ATG4D: variants seen among roughly 807,000 people sequenced by gnomAD.
ATG4D encodes the protein autophagy related 4D cysteine peptidase.
In ATG4D, 51 loss-of-function variants were observed where a neutral mutation model predicts 55.2. The ratio of observed to expected loss-of-function variants is 0.92; its 90% CI spans 0.74 to 1.17. ATG4D has a LOEUF of 1.17. Among genes scored for constraint, ATG4D ranks in the 50% most tolerant of loss-of-function variants. The pLI, the probability that ATG4D is intolerant of heterozygous loss-of-function variation, is 0.00. For synonymous variants in ATG4D, 268 were observed against 266.2 expected, an observed-to-expected ratio of 1.01 and a Z score of -0.07; for missense variants, 635 against 649.6, an observed-to-expected ratio of 0.98 and a Z score of 0.25.
chr19:10,551,782 T>A (rs1191620598), intron 6 of ATG4D, 115 bp from the exon 7 acceptor site: 1 of 873,204 alleles, frequency 1.1e-6, no homozygotes, highest in Non-Finnish European at 1.9e-6. Flanking sequence ...AGGGCAAGGG[T>A]TTTGTGGTCT....
At chr19:10,546,273 G>A (rs1051036990) in intron 3 of ATG4D, among the ~76,000 whole-genome samples, 9 of 150,482 alleles carry the variant, frequency 6.0e-5, no homozygotes, top group East Asian at 2.0e-4. Context: ...GTAGTGAGAC[G>A]TGATTGTGCC....
At chr19:10,548,466 G>A (rs1454535579) in intron 5 of ATG4D, among the ~76,000 whole-genome samples, 1 of 152,130 alleles carries the variant, frequency 6.6e-6, no homozygotes, top group Non-Finnish European at 1.5e-5. Context: ...GCAAGGCAGG[G>A]GGCAGGAGAA....
chr19:10,547,140 G>C, intron 4 of ATG4D, 25 bp downstream of exon 4: 2 of 1,610,328 alleles, frequency 1.2e-6, no homozygotes, highest in Non-Finnish European at 1.7e-6. Flanking sequence ...AGGGATCACG[G>C]GAGTTGCTGG....
chr19:10,549,544 G>A (rs1477398457), intron 6 of ATG4D, among the ~76,000 whole-genome samples: 4 of 151,960 alleles, frequency 2.6e-5, no homozygotes, highest in Non-Finnish European at 5.9e-5. Context: ...CAGTCTCCCA[G>A]GTAGCTGGGA....
At position 10,549,026 on chromosome 19, in the gene ATG4D, T is replaced by C. The variant is rs763066711; in HGVS notation, c.958T>C (p.Cys320Arg). The C allele has an allele frequency of 6.2e-7, 1 of 1,614,102 alleles. No homozygotes were observed. Among genetic ancestry groups the C allele is most frequent in the East Asian group, 2.2e-5 (1 of 44,864 alleles). ...GETLNPVYVP[C>R]VKELLRCELC... The stretch of plus-strand genomic sequence containing the variant: ...GACTCTCAACCCCGTGTATGTGCCC[T>C]GCGTGAAGGTAGGTTCAGCTGAATT... The change falls in exon 6 of 10, where the codon TGC becomes CGC. Residue 320 changes from cysteine to arginine, a missense_variant. By Grantham distance (180) the Cys-to-Arg change is radical (BLOSUM62 -3). Coordinates refer to ENST00000309469, the MANE Select transcript of ATG4D (RefSeq NM_032885.6).
intron 6 of ATG4D, among the ~76,000 whole-genome samples, chr19:10,549,841 G>A (rs945417099): frequency 1.3e-5 from 2 of 152,180 alleles, no homozygotes; most frequent in South Asian, 2.1e-4. Flanking sequence ...GGGAGCAGAC[G>A]TTCTGATGGG....
At position 10,553,096 on chromosome 19, in the gene ATG4D, A is replaced by G; in HGVS notation, c.*29A>G. 2.6e-6 allele frequency: 4 copies of G among 1,561,608 alleles called. No individual in the cohort carries two copies. Among genetic ancestry groups the G allele is most frequent in the Non-Finnish European group, 3.5e-6 (4 of 1,154,440 alleles). On this transcript the variant is annotated 3_prime_UTR_variant, in exon 10 of 10. Transcript: ENST00000309469. The stretch of plus-strand genomic sequence containing the variant: ...GAGGGGATGAGGGGAAAGATACAAC[A>G]CTATTTATTTTTTTATTTATGTCAT...
At position 10,547,223 on chromosome 19, in the gene ATG4D, CT is replaced by C. The variant is rs1916064823; in HGVS notation, c.806del (p.Leu269ArgfsTer53). ...GGAGAGCTGCTCCGACGTCACCCGC[CT>C]GGTGGTGTACGTTTCTCAGGACTGC... ...AVESCSDVTR[L>X]VVYVSQDCTV... On this transcript the variant is annotated frameshift_variant, in exon 5 of 10. Coordinates refer to ENST00000309469, the MANE Select transcript of ATG4D (RefSeq NM_032885.6). LOFTEE classifies it high-confidence loss of function. The C allele has an allele frequency of 5.6e-6, 9 of 1,614,026 alleles. No homozygotes were observed. Among genetic ancestry groups the C allele is most frequent in the Non-Finnish European group, 7.6e-6 (9 of 1,179,962 alleles).
At chr19:10,548,826 G>C in intron 5 of ATG4D, 78 bp from the exon 6 acceptor site, 1 of 1,547,352 alleles carries the variant, frequency 6.5e-7, no homozygotes, top group South Asian at 1.2e-5. Context: ...GGTTGAGGTT[G>C]AGCCCCTGGG....
intron 1 of ATG4D, 91 bp downstream of exon 1, chr19:10,544,416 G>T: frequency 7.6e-6 from 9 of 1,182,892 alleles, no homozygotes; most frequent in Non-Finnish European, 9.8e-6. Context: ...CCTTGTTCCC[G>T]TCCTGAGTCA....
At position 10,547,036 on chromosome 19, in the gene ATG4D, C is replaced by A. The variant is rs776338785; in HGVS notation, c.691C>A (p.Arg231=). The A allele has an allele frequency of 6.3e-7, 1 of 1,585,302 alleles. No individual in the cohort carries two copies. Among genetic ancestry groups the A allele is most frequent in the South Asian group, 1.1e-5 (1 of 88,050 alleles). ...CCCCCGGGCCCCCTTTGGCCTACAC[C>A]GGCTGGTGGAGCTTGGGCAGAGCTC... ...DHPRAPFGLH[R]LVELGQSSGK... Residue 231 remains arginine (R), a synonymous_variant, in exon 4 of 10, where the codon CGG becomes AGG. Transcript: ENST00000309469.
chr19:10,546,767 C>T lies in ATG4D; in HGVS notation c.494-72C>T, dbSNP rs571055895. Reference sequence around the variant, plus strand: ...GGTTCAGGAGCATTCGCATTGTGTGCGGTGCATGTGTAGATGGGACCTCTG... The same window carrying T: ...GGTTCAGGAGCATTCGCATTGTGTGTGGTGCATGTGTAGATGGGACCTCTG... On this transcript the variant is annotated intron_variant, in intron 3 of 9. Coordinates refer to ENST00000309469, the MANE Select transcript of ATG4D (RefSeq NM_032885.6). 6.5e-5 allele frequency: 94 copies of T among 1,443,972 alleles called. No individual in the cohort carries two copies. The East Asian group carries it at 1.9e-3, about 29-fold the overall frequency. 89.4% of individuals were successfully genotyped at this position (1,443,972 alleles called of 1,614,324 possible). A position where few individuals can be genotyped will look rare whatever the true frequency, so the allele number is the denominator to read the frequency against.
Position 10,545,078 on chromosome 19 carries a change from C to T in ATG4D, c.441C>T (p.Arg147=). 3 of 1,613,110 alleles carry T rather than the reference C, an allele frequency of 1.9e-6. 1 individual carries two copies. The highest frequency in any genetic ancestry group is 2.2e-5 in the South Asian group (2 of 91,084). The change falls in exon 3 of 10, where the codon CGC becomes CGT. Residue 147 remains arginine, a synonymous_variant. Transcript: ENST00000309469. The part of the protein sequence containing the change: ...TSDCGWGCML[R]SGQMMLAQGL... ...ACTGTGGCTGGGGGTGCATGTTACGCAGCGGCCAGATGATGCTGGCACAGG... is the reference window on the plus strand; with the variant it reads ...ACTGTGGCTGGGGGTGCATGTTACGTAGCGGCCAGATGATGCTGGCACAGG...
rs756176538 is a variant in ATG4D at position 10,547,057 on chromosome 19, A to G, written c.712A>G (p.Ser238Gly). The change falls in exon 4 of 10, where the codon AGC becomes GGC. Residue 238 changes from serine (S) to glycine (G), a missense_variant. Ser to Gly is a moderately conservative substitution (Grantham distance 56). Coordinates refer to ENST00000309469, the MANE Select transcript of ATG4D (RefSeq NM_032885.6). ...GLHRLVELGQ[S>G]SGKKAGDWYG... ...ACACCGGCTGGTGGAGCTTGGGCAG[A>G]GCTCAGGCAAGAAGGCAGGTGACTG... 2 of 1,588,340 alleles carry G rather than the reference A, an allele frequency of 1.3e-6. No homozygotes were observed. The highest frequency in any genetic ancestry group is 2.3e-5 in the South Asian group (2 of 88,084).
Position 10,544,997 on chromosome 19 carries a change from G to A in ATG4D, c.360G>A (p.Leu120=), listed in dbSNP as rs984102905. 1 of 1,604,840 alleles carries A rather than the reference G, an allele frequency of 6.2e-7. No homozygotes were observed. The highest frequency in any genetic ancestry group is 1.3e-5 in the African/African-American group (1 of 74,722). ...QRFQRDFVSR[L]WLTYRRDFPP... is the part of the protein sequence containing the mutation. ...TCCAGCGGGACTTTGTGTCCCGCCT[G>A]TGGCTCACATACCGCCGGGACTTCC... is the stretch of plus-strand genomic sequence containing the variant. The change falls in exon 3 of 10, where the codon CTG becomes CTA. Residue 120 remains leucine (L), a synonymous_variant. Transcript: ENST00000309469.
At position 10,552,221 on chromosome 19, in the gene ATG4D, CG is replaced by C. The variant is rs1568418326; in HGVS notation, c.1140del (p.Arg382AlafsTer31). 4 of 1,613,048 alleles carry C rather than the reference CG, an allele frequency of 2.5e-6. No individual in the cohort carries two copies. The South Asian group carries it at 4.4e-5, about 18-fold the overall frequency. The part of the protein sequence containing the change: ...DFPLESFHCT[S>X]PRKMAFAKMD... ...CTGCCCCAGTCCTTCCACTGCACCT[CG>C]CCCCGCAAGATGGCCTTTGCCAAGA... On this transcript the variant is annotated frameshift_variant, in exon 9 of 10. Coordinates refer to ENST00000309469, the MANE Select transcript of ATG4D (RefSeq NM_032885.6). LOFTEE classifies it high-confidence loss of function.
At position 10,544,188 on chromosome 19, in the gene ATG4D, GCCCAGA is replaced by G; in HGVS notation, c.102_107del (p.Asp35_Pro36del). The G allele has an allele frequency of 1.6e-6, 2 of 1,247,938 alleles. No individual in the cohort carries two copies. The highest frequency in any genetic ancestry group is 2.0e-6 in the Non-Finnish European group (2 of 988,666). The allele number at this position is 1,247,938 out of a possible 1,614,324, so 77.3% of individuals were successfully genotyped here. On this transcript the variant is annotated inframe_deletion, in exon 1 of 10. Transcript: ENST00000309469. Reference sequence around the variant, plus strand: ...GCCCGCAGGCCGCGGGGTCCCAGAGGCCCAGACCCCAACGGCCTGGGGCCTTCCGGA... The same window carrying G: ...GCCCGCAGGCCGCGGGGTCCCAGAGGCCCCAACGGCCTGGGGCCTTCCGGA...
At chr19:10,545,207 A>G (rs1915996481) in intron 3 of ATG4D, 77 bp downstream of exon 3, 2 of 1,523,690 alleles carry the variant, frequency 1.3e-6, no homozygotes, top group Non-Finnish European at 1.8e-6. Context: ...ATTACTTACC[A>G]ACTAAGAGTT....
chr19:10,547,364 G>A lies in ATG4D; in HGVS notation c.835+111G>A, dbSNP rs1346106462. 3.9e-6 allele frequency: 5 copies of A among 1,288,870 alleles called. No individual in the cohort carries two copies. In the African/African-American group the frequency reaches 5.8e-5, roughly 15 times the overall value. 79.8% of individuals were successfully genotyped at this position (1,288,870 alleles called of 1,614,324 possible). ...AGGCTGGAACAAGTTGTGGGGCAGAGGGACACTGGGGAAGGATGCAAGGCC... is the reference window on the plus strand; with the variant it reads ...AGGCTGGAACAAGTTGTGGGGCAGAAGGACACTGGGGAAGGATGCAAGGCC... On this transcript the variant is annotated intron_variant, in intron 5 of 9. Coordinates refer to ENST00000309469, the MANE Select transcript of ATG4D (RefSeq NM_032885.6).
Sources: allele counts gnomAD v4.1 joint callset (sites outside exome capture counted in the v4.1 genomes callset), GRCh38; gene constraint gnomAD v4.1.1; transcripts MANE v1.5; gene names NCBI Gene and HGNC (gene_info 2026-07-23, HGNC 2026-07-21).